ADAMTS9: variants seen among roughly 807,000 people sequenced by gnomAD.
The protein encoded by ADAMTS9 is A disintegrin and metalloproteinase with thrombospondin motifs 9.
In ADAMTS9, 107 loss-of-function variants were observed where a neutral mutation model predicts 257.1. The observed-to-expected ratio is 0.42, with a 90% CI of 0.36 to 0.49. ADAMTS9 has a LOEUF of 0.49. Ranked by LOEUF, ADAMTS9 falls within the 20% of genes least tolerant of loss-of-function variation. The pLI, the probability that ADAMTS9 is intolerant of heterozygous loss-of-function variation, is 0.03. For synonymous variants in ADAMTS9, 982 were observed against 880.9 expected (o/e 1.11, Z -2.03); for missense variants, 2,353 against 2,469.1 (o/e 0.95, Z 1.00).
At chr3:64,585,602 G>A (rs1314312768) in intron 28 of ADAMTS9, among the ~76,000 whole-genome samples, 2 of 152,124 alleles carry the variant, frequency 1.3e-5, no homozygotes, top group Non-Finnish European at 2.9e-5. Context: ...ACTTGTAAGT[G>A]CTACAGCATC....
At chr3:64,678,851 G>A (rs1457478064) in intron 3 of ADAMTS9, among the ~76,000 whole-genome samples, 1 of 152,182 alleles carries the variant, frequency 6.6e-6, no homozygotes, top group Non-Finnish European at 1.5e-5. Context: ...GAAGTAGCTG[G>A]AAGAGAGAGA....
chr3:64,579,527 T>C (rs2083940103), intron 28 of ADAMTS9, among the ~76,000 whole-genome samples: 1 of 152,188 alleles, frequency 6.6e-6, no homozygotes, highest in Non-Finnish European at 1.5e-5. Flanking sequence ...TCGTAGCTTG[T>C]CTCCACTCTC....
At chr3:64,591,331 T>C (rs2084254861) in intron 28 of ADAMTS9, among the ~76,000 whole-genome samples, 1 of 151,758 alleles carries the variant, frequency 6.6e-6, no homozygotes, top group Admixed American at 6.6e-5. Flanking sequence ...TCCCGGCTAC[T>C]TGGGAGGCTG....
intron 38 of ADAMTS9, among the ~76,000 whole-genome samples, chr3:64,529,658 G>A (rs555609740): frequency 5.4e-4 from 82 of 152,276 alleles, no homozygotes; most frequent in Non-Finnish European, 8.2e-4. Flanking sequence ...GTTATTTGGG[G>A]GAAATTACAA....
intron 16 of ADAMTS9, among the ~76,000 whole-genome samples, chr3:64,625,202 C>T (rs888935307): frequency 7.9e-5 from 12 of 152,248 alleles, no homozygotes; most frequent in South Asian, 2.1e-4. Context: ...CCATGCTGAA[C>T]GTGATTCACC....
Position 64,686,968 on chromosome 3 carries a change from A to G in ADAMTS9, c.116T>C (p.Val39Ala). 1.2e-6 allele frequency: 2 copies of G among 1,612,436 alleles called. No homozygotes were observed. The highest frequency in any genetic ancestry group is 1.7e-6 in the Non-Finnish European group (2 of 1,178,984). ...VRKDRLHPRQVKLLETLSEYE... is the reference protein window; with the variant it reads ...VRKDRLHPRQAKLLETLSEYE... Reference sequence around the variant, plus strand: ...TTCGCTCAGGGTCTCTAATAATTTCACTGCGGAGAGAAGCAGAGGTATATG... The same window carrying G: ...TTCGCTCAGGGTCTCTAATAATTTCGCTGCGGAGAGAAGCAGAGGTATATG... The change falls in exon 2 of 40, where the codon GTG (valine) becomes GCG (alanine). Residue 39 changes from valine (V) to alanine (A), a missense_variant and splice_region_variant. Physicochemically the swap from Val to Ala is moderately conservative, Grantham distance 64. Around this residue, in one of 3 missense-constraint regions of ADAMTS9, gnomAD observed 591 missense variants for 569.6 expected, o/e 1.04. Transcript: ENST00000498707. The surrounding 1 kb of genome is among the most constrained non-coding windows in gnomAD (Gnocchi z 4.6).
Position 64,541,190 on chromosome 3 carries a change from C to T in ADAMTS9, c.5426G>A (p.Arg1809Gln), listed in dbSNP as rs150104451. The T allele has an allele frequency of 2.9e-5, 47 of 1,614,178 alleles. No homozygotes were observed. The highest frequency in any genetic ancestry group is 2.9e-4 in the East Asian group (13 of 44,876). The change falls in exon 36 of 40, where the codon CGG becomes CAG. Residue 1809 changes from arginine (R) to glutamine (Q), a missense_variant. Around this residue, in one of 3 missense-constraint regions of ADAMTS9, gnomAD observed 1,402 missense variants for 1,441.4 expected, o/e 0.97. Coordinates refer to ENST00000498707, the MANE Select transcript of ADAMTS9 (RefSeq NM_182920.2). ...NPTECPYNGS[R>Q]RDDCQCRKDY... ...CTTCCGACATTGGCAGTCATCGCGC[C>T]GGCTCCCGTTATAGGGACATTCTGT...
chr3:64,544,730 A>G (rs2083173941), intron 32 of ADAMTS9, among the ~76,000 whole-genome samples: 1 of 152,234 alleles, frequency 6.6e-6, no homozygotes, highest in Admixed American at 6.5e-5. Flanking sequence ...TAAAACACCA[A>G]AATCAATGGC....
chr3:64,649,327 C>T (rs1452445477), intron 10 of ADAMTS9, among the ~76,000 whole-genome samples: 2 of 152,172 alleles, frequency 1.3e-5, no homozygotes, highest in South Asian at 4.1e-4. Flanking sequence ...AAGCTGAGCT[C>T]TGTAATTCCC....
chr3:64,651,555 G>A (rs957086135), intron 8 of ADAMTS9, among the ~76,000 whole-genome samples: 15 of 152,234 alleles, frequency 9.9e-5, no homozygotes, highest in South Asian at 2.1e-4. Context: ...TTATGATAAC[G>A]TGAATATAAA....
At chr3:64,649,602 G>A (rs1260274107) in intron 10 of ADAMTS9, 35 bp downstream of exon 10, 3 of 1,575,402 alleles carry the variant, frequency 1.9e-6, no homozygotes, top group South Asian at 2.3e-5. Flanking sequence ...TGCAGAATCA[G>A]TAGATGAGGG....
Position 64,561,717 on chromosome 3 carries a change from C to G in ADAMTS9, c.4559G>C (p.Arg1520Thr). ...SVSCGRGVQQ[R>T]HVGCQIGTHK... is the part of the protein sequence containing the mutation. ...TGTTCCGATCTGACAGCCCACATGC[C>G]TCTGCTGTACGCCTCGGCCACAGGA... The change falls in exon 30 of 40, where the codon AGG becomes ACG. Residue 1520 changes from arginine (R) to threonine (T), a missense_variant. Coordinates refer to ENST00000498707, the MANE Select transcript of ADAMTS9 (RefSeq NM_182920.2). 1 of 1,613,448 alleles carries G rather than the reference C, an allele frequency of 6.2e-7. No homozygotes were observed. Among genetic ancestry groups the G allele is most frequent in the Non-Finnish European group, 8.5e-7 (1 of 1,179,860 alleles).
intron 3 of ADAMTS9, among the ~76,000 whole-genome samples, chr3:64,677,239 G>A (rs188470453): frequency 6.6e-6 from 1 of 152,222 alleles, no homozygotes; most frequent in Admixed American, 6.5e-5. Context: ...GCCATAGGGA[G>A]AGAAGACACC....
At chr3:64,594,176 A>G in intron 28 of ADAMTS9, 82 bp downstream of exon 28, 1 of 1,442,670 alleles carries the variant, frequency 6.9e-7, no homozygotes, top group Non-Finnish European at 9.4e-7. Flanking sequence ...TAAGTGTGAC[A>G]ATTATCTGCC....
At chr3:64,625,401 C>A (rs1433368954) in intron 16 of ADAMTS9, among the ~76,000 whole-genome samples, 1 of 152,052 alleles carries the variant, frequency 6.6e-6, no homozygotes, top group East Asian at 1.9e-4. Context: ...AGAAGAGGTT[C>A]CAAGGATTTA....
At chr3:64,626,998 G>A (rs972576703) in intron 16 of ADAMTS9, among the ~76,000 whole-genome samples, 11 of 152,160 alleles carry the variant, frequency 7.2e-5, no homozygotes, top group African/African-American at 1.2e-4. Context: ...CCTAATGCGG[G>A]TCATTCAAAT....
rs185197882 is a variant in ADAMTS9, at chr3:64,568,734, C to T, written c.4357-199G>A. 1.4e-4 allele frequency: 82 copies of T among 567,428 alleles called. No individual in the cohort carries two copies. In the African/African-American group the frequency reaches 1.5e-3, roughly 10 times the overall value. The allele number at this position is 567,428 out of a possible 1,614,324, so 35.1% of individuals were successfully genotyped here. A position where few individuals can be genotyped will look rare whatever the true frequency, so the allele number is the denominator to read the frequency against. ...GAAAAAAAAAATGTCCACAGCATTA[C>T]AGCAGCAATCCTGTGTGGCATTTTT... On this transcript the variant is annotated intron_variant, in intron 28 of 39. Coordinates refer to ENST00000498707, the MANE Select transcript of ADAMTS9 (RefSeq NM_182920.2).
chr3:64,676,231 C>T (rs973886265), intron 3 of ADAMTS9, among the ~76,000 whole-genome samples: 1 of 152,162 alleles, frequency 6.6e-6, no homozygotes, highest in African/African-American at 2.4e-5. Context: ...TTCTAAGGTC[C>T]TAAGATCCTA....
In ADAMTS9 at chr3:64,621,129, G is replaced by A. The variant is rs1272662055; in HGVS notation, c.2798C>T (p.Thr933Ile). The A allele has an allele frequency of 6.8e-6, 11 of 1,613,356 alleles. No individual in the cohort carries two copies. The highest frequency in any genetic ancestry group is 4.0e-5 in the African/African-American group (3 of 74,884). Reference protein sequence around the residue: ...QPGHITEPCGTDCDLRWHVAS... With the variant: ...QPGHITEPCGIDCDLRWHVAS... ...AGTGGCCCACCTCAGGTCACAGTCT[G>A]TACCACAGGGTTCAGTAATGTGTCC... Residue 933 changes from threonine (T) to isoleucine (I), a missense_variant, in exon 19 of 40, where the codon ACA becomes ATA. This residue lies in a region of ADAMTS9 where 1,402 missense variants were observed against 1,441.4 expected (regional missense o/e 0.97). Transcript: ENST00000498707.
Sources: gnomAD v4.1 joint callset for allele counts (sites outside exome capture counted in the v4.1 genomes callset) on GRCh38, gnomAD v4.1.1 for gene constraint, gnomAD v4.1.1 regional missense constraint, Gnocchi (gnomAD v3.1) non-coding constraint, MANE v1.5 for transcripts, NCBI Gene and HGNC (gene_info 2026-07-23, HGNC 2026-07-21) for gene names.